Variants in SPAG16 observed in about 807,000 individuals in gnomAD.
SPAG16 encodes the protein sperm-associated antigen 16 protein.
SPAG16 carries 86 observed loss-of-function variants against 80.4 expected under a neutral mutation model. The observed-to-expected ratio is 1.07, with a 90% CI of 0.90 to 1.28. The LOEUF is 1.28. SPAG16 is among the 50% of genes most tolerant of loss of function. SPAG16 has a pLI of 0.00. For synonymous variants in SPAG16, 294 were observed against 265.9 expected (o/e 1.11, Z -1.03); for missense variants, 870 against 765.3 (o/e 1.14, Z -1.61).
At chr2:213,856,218 A>C (rs538606806) in intron 10 of SPAG16, among the ~76,000 whole-genome samples, 2 of 152,088 alleles carry the variant, frequency 1.3e-5, no homozygotes, top group African/African-American at 4.8e-5. Flanking sequence ...AAATTCCAAA[A>C]TGTTCTCTTT....
chr2:213,869,433 C>A (rs1267340867), intron 11 of SPAG16, among the ~76,000 whole-genome samples: 1 of 150,994 alleles, frequency 6.6e-6, no homozygotes, highest in Non-Finnish European at 1.5e-5. Context: ...TTATGATGTC[C>A]TCTTTCTTCC....
intron 15 of SPAG16, among the ~76,000 whole-genome samples, chr2:214,281,999 G>A (rs1692976814): frequency 6.6e-6 from 1 of 152,174 alleles, no homozygotes; most frequent in African/African-American, 2.4e-5. Flanking sequence ...TTCCTGTAGA[G>A]AGGATTGCAG....
chr2:214,203,002 C>A (rs995998447), intron 15 of SPAG16, among the ~76,000 whole-genome samples: 2 of 152,126 alleles, frequency 1.3e-5, no homozygotes, highest in African/African-American at 4.8e-5. Flanking sequence ...AAATCTCTCA[C>A]GAGGTGAAGT....
intron 9 of SPAG16, among the ~76,000 whole-genome samples, chr2:213,377,879 GTGTATA>G (rs372840647): frequency 0.16 from 22,986 of 141,896 alleles, 2,577 homozygotes; most frequent in Non-Finnish European, 0.25. Flanking sequence ...CTAATAGGAT[GTGTATA>G]TATATATATA....
At chr2:213,380,089 G>A (rs1030125116) in intron 9 of SPAG16, among the ~76,000 whole-genome samples, 8 of 152,078 alleles carry the variant, frequency 5.3e-5, no homozygotes, top group East Asian at 1.9e-4. Flanking sequence ...TTTTCCAATC[G>A]TGCTTCTTTT....
At chr2:213,601,351 C>A (rs1043482505) in intron 10 of SPAG16, among the ~76,000 whole-genome samples, 1 of 152,126 alleles carries the variant, frequency 6.6e-6, no homozygotes, top group Non-Finnish European at 1.5e-5. Context: ...TTTTTCAGTT[C>A]ATCATGTTAA....
At chr2:213,965,083 CTTGT>C (rs1450900811) in intron 12 of SPAG16, among the ~76,000 whole-genome samples, 1 of 152,110 alleles carries the variant, frequency 6.6e-6, no homozygotes, top group Admixed American at 6.5e-5. Flanking sequence ...CTACCCTGGA[CTTGT>C]TTGTTTATTT....
intron 10 of SPAG16, among the ~76,000 whole-genome samples, chr2:213,802,403 A>ATCTG (rs149385565): frequency 3.5e-5 from 3 of 86,838 alleles, no homozygotes; most frequent in Admixed American, 1.1e-4. Context: ...GTCTCTATCT[A>ATCTG]TCTATCTATC....
At chr2:214,154,501 C>A (rs937030770) in intron 15 of SPAG16, among the ~76,000 whole-genome samples, 6 of 74,370 alleles carry the variant, frequency 8.1e-5, no homozygotes, top group Admixed American at 3.5e-4. Flanking sequence ...GTATCAGACC[C>A]CCCCCCCCCA....
At chr2:213,799,857 C>A (rs183746663) in intron 10 of SPAG16, among the ~76,000 whole-genome samples, 1 of 150,930 alleles carries the variant, frequency 6.6e-6, no homozygotes, top group Admixed American at 6.6e-5. Context: ...AAACATATAA[C>A]TACTATAACA....
intron 13 of SPAG16, among the ~76,000 whole-genome samples, chr2:214,106,718 C>G (rs1157628040): frequency 6.6e-6 from 1 of 152,042 alleles, no homozygotes; most frequent in Non-Finnish European, 1.5e-5. Flanking sequence ...CTCTCCCAGC[C>G]TTCAAAGATT....
chr2:213,618,262 AT>A (rs1416733699), intron 10 of SPAG16, among the ~76,000 whole-genome samples: 1 of 152,098 alleles, frequency 6.6e-6, no homozygotes, highest in Non-Finnish European at 1.5e-5. Context: ...CTCAAATGGC[AT>A]TTTCTCAAAG....
At chr2:213,285,714 CA>C (rs1237107320) in intron 1 of SPAG16, among the ~76,000 whole-genome samples, 1 of 152,050 alleles carries the variant, frequency 6.6e-6, no homozygotes, top group Admixed American at 6.5e-5. Flanking sequence ...TTATTGGGTG[CA>C]AAAACGACTT....
At chr2:213,333,581 C>T (rs2064203374) in intron 5 of SPAG16, among the ~76,000 whole-genome samples, 1 of 152,148 alleles carries the variant, frequency 6.6e-6, no homozygotes, top group African/African-American at 2.4e-5. Context: ...CCGGAGGAAT[C>T]ACATTACCTG....
intron 15 of SPAG16, among the ~76,000 whole-genome samples, chr2:214,318,835 C>T (rs371909682): frequency 3.3e-5 from 5 of 152,054 alleles, no homozygotes; most frequent in African/African-American, 1.2e-4. Context: ...TGGCTCTAGC[C>T]GACAGCTCCT....
At chr2:213,978,299 T>C (rs1432592772) in intron 12 of SPAG16, among the ~76,000 whole-genome samples, 1 of 152,090 alleles carries the variant, frequency 6.6e-6, no homozygotes, top group East Asian at 1.9e-4. Flanking sequence ...ATCTTCCACA[T>C]CACTGCAAGT....
intron 12 of SPAG16, among the ~76,000 whole-genome samples, chr2:213,954,552 G>T (rs576814383): frequency 1.1e-4 from 17 of 151,882 alleles, no homozygotes; most frequent in Non-Finnish European, 1.9e-4. Flanking sequence ...GAATGTGCAG[G>T]TTTGTTACAT....
intron 13 of SPAG16, among the ~76,000 whole-genome samples, chr2:214,052,143 T>C (rs2125136104): frequency 6.6e-6 from 1 of 152,340 alleles, no homozygotes. Flanking sequence ...GGTAGGACTA[T>C]TTTTGCATGG....
intron 10 of SPAG16, among the ~76,000 whole-genome samples, chr2:213,543,712 GT>G (rs1333000255): frequency 1.3e-5 from 2 of 151,940 alleles, no homozygotes; most frequent in African/African-American, 4.8e-5. Flanking sequence ...ATATTTTCAT[GT>G]TGGTATAATG....
Sources: gnomAD v4.1 joint callset for allele counts (sites outside exome capture counted in the v4.1 genomes callset) on GRCh38, gnomAD v4.1.1 for gene constraint, MANE v1.5 for transcripts, NCBI Gene and HGNC (gene_info 2026-07-23, HGNC 2026-07-21) for gene names.